The following SPNS3 variants were observed in gnomAD, a reference collection of about 807,000 sequenced individuals.
SPNS3 encodes the protein protein spinster homolog 3.
In SPNS3, 51 loss-of-function variants were observed where a neutral mutation model predicts 54.4. The observed-to-expected ratio is 0.94, with a 90% CI of 0.75 to 1.18. The LOEUF is 1.18. Among genes scored for constraint, SPNS3 ranks in the 50% most tolerant of loss-of-function variants. The pLI is 0.00. For synonymous variants in SPNS3, 309 were observed against 294.7 expected, an observed-to-expected ratio of 1.05 and a Z score of -0.50; for missense variants, 669 against 677.4, an observed-to-expected ratio of 0.99 and a Z score of 0.14.
intron 1 of SPNS3, 92 bp downstream of exon 1, chr17:4,434,258 A>G (rs959276850): frequency 3.2e-6 from 4 of 1,265,480 alleles, no homozygotes; most frequent in Non-Finnish European, 4.4e-6. Context: ...GCCATCACCC[A>G]TCTTTCTGCT....
intron 3 of SPNS3, among the ~76,000 whole-genome samples, 165 bp from the exon 4 acceptor site, chr17:4,445,883 G>C (rs1273701241): frequency 1.3e-5 from 2 of 152,068 alleles, no homozygotes; most frequent in African/African-American, 4.8e-5. Flanking sequence ...ACACACGTTT[G>C]ACTTTGGGAA....
intron 8 of SPNS3, among the ~76,000 whole-genome samples, chr17:4,469,162 G>A (rs1971787598): frequency 6.6e-6 from 1 of 151,954 alleles, no homozygotes; most frequent in African/African-American, 2.4e-5. Context: ...TCAGCTCACC[G>A]CATCCTGGAC....
intron 1 of SPNS3, among the ~76,000 whole-genome samples, chr17:4,438,940 CTGTGTG>C (rs35255085): frequency 1.9e-4 from 29 of 149,278 alleles, no homozygotes; most frequent in African/African-American, 3.5e-4. Flanking sequence ...GAGTGAGTTC[CTGTGTG>C]TGTGTGTGTG....
At chr17:4,469,453 T>A (rs569220347) in intron 8 of SPNS3, among the ~76,000 whole-genome samples, 140 of 152,148 alleles carry the variant, frequency 9.2e-4, no homozygotes, top group Non-Finnish European at 1.8e-3. Context: ...ACCCCATCTC[T>A]ACTAAAAATA....
intron 8 of SPNS3, among the ~76,000 whole-genome samples, chr17:4,475,920 C>T (rs1315915700): frequency 2.6e-5 from 4 of 152,316 alleles, no homozygotes; most frequent in African/African-American, 4.8e-5. Flanking sequence ...CAGTGCAAAG[C>T]GGGGTTACCA....
At chr17:4,481,658 C>T (rs1972153351) in intron 9 of SPNS3, among the ~76,000 whole-genome samples, 1 of 152,208 alleles carries the variant, frequency 6.6e-6, no homozygotes, top group African/African-American at 2.4e-5. Context: ...TGCTCCCACT[C>T]CCAGCCTGGC....
intron 11 of SPNS3, 141 bp from the exon 12 acceptor site, chr17:4,487,665 G>A (rs1972359078): frequency 1.3e-6 from 1 of 767,616 alleles, no homozygotes. Flanking sequence ...GGCATTGAAG[G>A]TGATGACAAG....
chr17:4,486,208 G>C lies in SPNS3; in HGVS notation c.1180-20G>C, dbSNP rs376670943. 6.9e-5 allele frequency: 105 copies of C among 1,520,008 alleles called. No homozygotes were observed. The African/African-American group carries it at 1.4e-3, about 20-fold the overall frequency. 94.2% of individuals were successfully genotyped at this position (1,520,008 alleles called of 1,614,324 possible). A position where few individuals can be genotyped will look rare whatever the true frequency, so the allele number is the denominator to read the frequency against. On this transcript the variant is annotated intron_variant, in intron 9 of 11. Coordinates refer to ENST00000355530, the MANE Select transcript of SPNS3 (RefSeq NM_182538.5). This position sits in a 1 kb window ranked among gnomAD's most constrained non-coding sequence, Gnocchi z 5.5. ...GTGCCCTCACTTGGGGTGCCCCCCT[G>C]CTGTGCCTATGTTTTGCAGTCTGTG...
intron 1 of SPNS3, among the ~76,000 whole-genome samples, chr17:4,437,062 G>C (rs1353691868): frequency 6.6e-6 from 1 of 152,214 alleles, no homozygotes. Flanking sequence ...AGGGGGCTGT[G>C]GTTACTGTGG....
At chr17:4,449,096 G>A in intron 6 of SPNS3, 139 bp from the exon 7 acceptor site, 1 of 998,800 alleles carries the variant, frequency 1.0e-6, no homozygotes, top group Non-Finnish European at 1.4e-6. Flanking sequence ...AGAGGGGGTA[G>A]CAAATGCTAC....
intron 8 of SPNS3, among the ~76,000 whole-genome samples, chr17:4,477,055 C>T (rs1972021893): frequency 6.6e-6 from 1 of 152,194 alleles, no homozygotes. Context: ...TCGGGGTGTC[C>T]TCTGATTCCC....
intron 7 of SPNS3, 21 bp from the exon 8 acceptor site, chr17:4,452,994 CT>C (rs1302054615): frequency 6.2e-7 from 1 of 1,607,346 alleles, no homozygotes; most frequent in Admixed American, 1.7e-5. Flanking sequence ...CTGACCAACC[CT>C]TCTGTGCTCT....
chr17:4,445,313 GAGA>G, intron 3 of SPNS3, 145 bp downstream of exon 3: 2 of 806,320 alleles, frequency 2.5e-6, no homozygotes, highest in Non-Finnish European at 3.8e-6. Flanking sequence ...AGGGCTGGGA[GAGA>G]AGGTGAGAGC....
At chr17:4,456,270 A>G (rs1597319581) in intron 8 of SPNS3, among the ~76,000 whole-genome samples, 1 of 152,022 alleles carries the variant, frequency 6.6e-6, no homozygotes, top group African/African-American at 2.4e-5. Flanking sequence ...AACTCTTTCA[A>G]TAAATCCTCC....
chr17:4,464,977 G>A (rs1314212631), intron 8 of SPNS3, among the ~76,000 whole-genome samples: 1 of 152,198 alleles, frequency 6.6e-6, no homozygotes, highest in Non-Finnish European at 1.5e-5. Flanking sequence ...CACCACTCCC[G>A]GCTGAGCCTG....
At chr17:4,437,511 AC>A (rs1970743020) in intron 1 of SPNS3, among the ~76,000 whole-genome samples, 1 of 151,860 alleles carries the variant, frequency 6.6e-6, no homozygotes, top group Non-Finnish European at 1.5e-5. Context: ...TACTAAAAAT[AC>A]AAAAATTAGC....
rs945391370 is a variant in SPNS3, at chr17:4,448,195, T to G, written c.662T>G (p.Ile221Ser). The change falls in exon 6 of 12, where the codon ATC becomes AGC. Residue 221 changes from isoleucine (I) to serine (S), a missense_variant. Coordinates refer to ENST00000355530, the MANE Select transcript of SPNS3 (RefSeq NM_182538.5). ...CLEAVALILL[I>S]LLVPDPPRGA... is the part of the protein sequence containing the mutation. ...GAGGCCGTGGCCTTGATCCTGCTTATCCTGCTGGTTCCAGACCCACCCCGG... is the reference window on the plus strand; with the variant it reads ...GAGGCCGTGGCCTTGATCCTGCTTAGCCTGCTGGTTCCAGACCCACCCCGG... 6.2e-7 allele frequency: 1 copy of G among 1,604,638 alleles called. No individual in the cohort carries two copies. The highest frequency in any genetic ancestry group is 2.3e-5 in the East Asian group (1 of 44,214).
intron 9 of SPNS3, among the ~76,000 whole-genome samples, chr17:4,482,997 T>A (rs2144233654): frequency 6.6e-6 from 1 of 152,230 alleles, no homozygotes; most frequent in Admixed American, 6.5e-5. Context: ...CAGGCTCATC[T>A]CCCACCCCTC....
intron 8 of SPNS3, among the ~76,000 whole-genome samples, chr17:4,467,754 C>T (rs1254975770): frequency 6.6e-6 from 1 of 151,814 alleles, no homozygotes; most frequent in African/African-American, 2.4e-5. Context: ...CAACCTCTGC[C>T]TGCTGAATTC....
Sources: gnomAD v4.1 joint callset for allele counts (sites outside exome capture counted in the v4.1 genomes callset) on GRCh38, gnomAD v4.1.1 for gene constraint, Gnocchi (gnomAD v3.1) non-coding constraint, MANE v1.5 for transcripts, NCBI Gene and HGNC (gene_info 2026-07-23, HGNC 2026-07-21) for gene names.